ERC1: variants seen among roughly 807,000 people sequenced by gnomAD.
The protein encoded by ERC1 is ELKS/RAB6-interacting/CAST family member 1, also known as RAB6 interacting protein 2.
A neutral mutation model predicts 132.0 loss-of-function variants in ERC1; 56 were observed. The ratio of observed to expected loss-of-function variants is 0.42; its 90% CI spans 0.34 to 0.53. The LOEUF (loss-of-function observed/expected upper bound fraction) is 0.53, where lower values mean the gene tolerates loss of function less well. Ranked by LOEUF, ERC1 falls within the 20% of genes least tolerant of loss-of-function variation. The probability of loss-of-function intolerance (pLI) is 0.03; values close to 1 mark genes in which losing one functional copy is unlikely to be tolerated. For synonymous variants in ERC1, 478 were observed against 476.1 expected (o/e 1.00, Z -0.05); for missense variants, 1,202 against 1,349.9 (o/e 0.89, Z 1.72).
intron 13 of ERC1, among the ~76,000 whole-genome samples, chr12:1,242,165 T>C (rs2075853746): frequency 6.6e-6 from 1 of 152,172 alleles, no homozygotes; most frequent in Non-Finnish European, 1.5e-5. Context: ...GCCCTTTGTT[T>C]ACAAAGTCAG....
chr12:1,006,384 C>T (rs1335555837), intron 1 of ERC1, among the ~76,000 whole-genome samples: 4 of 152,118 alleles, frequency 2.6e-5, no homozygotes, highest in African/African-American at 7.2e-5. Flanking sequence ...TAGGCATGCG[C>T]CAGCATGCCT....
intron 15 of ERC1, among the ~76,000 whole-genome samples, chr12:1,362,720 G>C (rs1029959189): frequency 1.3e-5 from 2 of 152,126 alleles, no homozygotes; most frequent in African/African-American, 2.4e-5. Context: ...GGGCAGAGGA[G>C]GGTGTTAGCC....
At chr12:1,147,731 G>A (rs1270812799) in intron 8 of ERC1, among the ~76,000 whole-genome samples, 1 of 152,174 alleles carries the variant, frequency 6.6e-6, no homozygotes, top group Admixed American at 6.5e-5. Context: ...TGGAGTTTGT[G>A]AGGAGGGGAG....
intron 13 of ERC1, among the ~76,000 whole-genome samples, chr12:1,240,628 T>G (rs1486922083): frequency 6.6e-6 from 1 of 152,178 alleles, no homozygotes; most frequent in Non-Finnish European, 1.5e-5. Flanking sequence ...GTAACTCTTT[T>G]TTCATATCTT....
chr12:1,003,879 C>T (rs1036500040), intron 1 of ERC1, among the ~76,000 whole-genome samples: 1 of 152,226 alleles, frequency 6.6e-6, no homozygotes, highest in African/African-American at 2.4e-5. Context: ...CTGATGCCTG[C>T]AGTGTGAGCT....
intron 2 of ERC1, among the ~76,000 whole-genome samples, chr12:1,049,943 A>G (rs1008909316): frequency 2.6e-5 from 4 of 151,936 alleles, no homozygotes; most frequent in Admixed American, 6.5e-5. Flanking sequence ...GGGTTTTACC[A>G]TGTTGGCCAG....
intron 7 of ERC1, among the ~76,000 whole-genome samples, chr12:1,122,259 ATCTCTATCTCTATCTGTG>A (rs1479549318): frequency 9.8e-4 from 6 of 6,128 alleles, no homozygotes; most frequent in Admixed American, 2.0e-3. Flanking sequence ...CTCTATCTCT[ATCTCTATCTCTATCTGTG>A]TCTCTATCTC....
At chr12:1,170,669 G>T (rs1010169133) in intron 8 of ERC1, among the ~76,000 whole-genome samples, 2 of 152,174 alleles carry the variant, frequency 1.3e-5, no homozygotes, top group Non-Finnish European at 2.9e-5. Context: ...TATCTACCAG[G>T]CAGATCTTGA....
chr12:1,058,055 G>A (rs989866126), intron 2 of ERC1, among the ~76,000 whole-genome samples: 2 of 151,776 alleles, frequency 1.3e-5, no homozygotes, highest in Admixed American at 6.6e-5. Context: ...CTGTTGAGTT[G>A]TTTGAATTCA....
chr12:1,473,247 T>G (rs2093900645), intron 18 of ERC1, among the ~76,000 whole-genome samples: 1 of 152,150 alleles, frequency 6.6e-6, no homozygotes, highest in Non-Finnish European at 1.5e-5. Context: ...CAGGCTGGTC[T>G]TGAACTCCTG....
intron 17 of ERC1, among the ~76,000 whole-genome samples, chr12:1,440,411 T>A (rs1385010442): frequency 6.6e-6 from 1 of 151,048 alleles, no homozygotes; most frequent in Admixed American, 6.6e-5. Flanking sequence ...TTTCACCGTG[T>A]TAGCCAGGAT....
intron 6 of ERC1, among the ~76,000 whole-genome samples, chr12:1,114,821 G>A (rs1946279447): frequency 6.6e-6 from 1 of 151,382 alleles, no homozygotes; most frequent in Admixed American, 6.6e-5. Context: ...GAGATTTTAT[G>A]CATATGAGAA....
chr12:1,457,569 C>A (rs542615561), intron 18 of ERC1, among the ~76,000 whole-genome samples: 7 of 152,112 alleles, frequency 4.6e-5, no homozygotes, highest in African/African-American at 1.4e-4. Context: ...ATTTTCAAGT[C>A]TTTGGAAAGA....
At chr12:1,173,526 A>G (rs1462757905) in intron 8 of ERC1, among the ~76,000 whole-genome samples, 3 of 152,186 alleles carry the variant, frequency 2.0e-5, no homozygotes, top group Non-Finnish European at 2.9e-5. Context: ...TTTATGTTCT[A>G]GTATGTGCAT....
intron 15 of ERC1, among the ~76,000 whole-genome samples, chr12:1,349,370 A>G (rs1439196670): frequency 1.3e-5 from 2 of 152,228 alleles, no homozygotes; most frequent in East Asian, 3.8e-4. Context: ...TGGCTTAAAA[A>G]GAGTTCTTTT....
Position 1,180,539 on chromosome 12 carries a change from G to C in ERC1, c.1738-1G>C. On this transcript the variant is annotated splice_acceptor_variant, in intron 8 of 18. Transcript: ENST00000360905. LOFTEE classifies it high-confidence loss of function. ...TCCCTTAAATATTTATGTACATTTAGATTGAAAATCTTCAAGAGCAGCTTA... is the reference window on the plus strand; with the variant it reads ...TCCCTTAAATATTTATGTACATTTACATTGAAAATCTTCAAGAGCAGCTTA... 6.2e-7 allele frequency: 1 copy of C among 1,613,554 alleles called. No individual in the cohort carries two copies. The highest frequency in any genetic ancestry group is 8.5e-7 in the Non-Finnish European group (1 of 1,179,720).
intron 18 of ERC1, among the ~76,000 whole-genome samples, chr12:1,461,267 G>A (rs2093640098): frequency 6.6e-6 from 1 of 152,126 alleles, no homozygotes. Context: ...TATGAGACAT[G>A]TATAACCTGT....
chr12:1,323,895 G>A lies in ERC1; in HGVS notation c.2780+33883G>A, dbSNP rs180695466. Reference sequence around the variant, plus strand: ...TTGCTGCTTCCCAACATCTTCACCCGTTTTACCGGAATTTCGCCTCTGCTA... The same window carrying A: ...TTGCTGCTTCCCAACATCTTCACCCATTTTACCGGAATTTCGCCTCTGCTA... On this transcript the variant is annotated intron_variant, in intron 15 of 18. Transcript: ENST00000360905. Among the ~76,000 whole-genome samples the A allele has an allele frequency of 4.7e-3, 715 of 152,208 alleles. 6 individuals carry two copies. The highest frequency in any genetic ancestry group is 6.8e-3 in the South Asian group (33 of 4,820).
intron 12 of ERC1, among the ~76,000 whole-genome samples, chr12:1,206,172 T>G (rs142771246): frequency 2.0e-5 from 3 of 152,274 alleles, no homozygotes; most frequent in African/African-American, 7.2e-5. Context: ...AAAGTCTCTC[T>G]TCATTCCAGA....
Sources: gnomAD v4.1 joint callset for allele counts (sites outside exome capture counted in the v4.1 genomes callset) on GRCh38, gnomAD v4.1.1 for gene constraint, MANE v1.5 for transcripts, NCBI Gene and HGNC (gene_info 2026-07-23, HGNC 2026-07-21) for gene names.